The following MAP7 variants were observed in gnomAD, a reference collection of about 807,000 sequenced individuals.
The protein encoded by MAP7 is microtubule associated protein 7.
In MAP7, 52 loss-of-function variants were observed where a neutral mutation model predicts 94.8. The observed-to-expected ratio is 0.55, with a 90% CI of 0.44 to 0.69. The LOEUF (loss-of-function observed/expected upper bound fraction) is 0.69. Ranked by LOEUF, MAP7 falls within the 30% of genes least tolerant of loss-of-function variation. The pLI, the probability that MAP7 is intolerant of heterozygous loss-of-function variation, is 0.00. For synonymous variants in MAP7, 350 were observed against 357.0 expected (o/e 0.98, Z 0.22); for missense variants, 940 against 964.6 (o/e 0.97, Z 0.34).
At chr6:136,432,864 C>T (rs1426204989) in intron 1 of MAP7, among the ~76,000 whole-genome samples, 1 of 151,890 alleles carries the variant, frequency 6.6e-6, no homozygotes, top group Non-Finnish European at 1.5e-5. Context: ...ATTCTGTGAC[C>T]CAGGTAGCCC....
chr6:136,349,817 C>T (rs1034250385), intron 16 of MAP7, among the ~76,000 whole-genome samples: 1 of 152,020 alleles, frequency 6.6e-6, no homozygotes, highest in Non-Finnish European at 1.5e-5. Context: ...AGGGGCCAGG[C>T]GTCTCACTCA....
At position 136,368,275 on chromosome 6, in the gene MAP7, C is replaced by G. The variant is rs138631430; in HGVS notation, c.877-1836G>C. On this transcript the variant is annotated intron_variant, in intron 8 of 17. Coordinates refer to ENST00000354570, the MANE Select transcript of MAP7 (RefSeq NM_003980.6). Reference sequence around the variant, plus strand: ...TCCAACCACCCATTTGGGTACCACACATGTAAAGGCACTCCCAATTCTCAT... The same window carrying G: ...TCCAACCACCCATTTGGGTACCACAGATGTAAAGGCACTCCCAATTCTCAT... Among the ~76,000 whole-genome samples, 416 of 151,988 alleles carry G rather than the reference C, an allele frequency of 2.7e-3. 6 individuals carry two copies. The East Asian group carries it at 0.03, about 11-fold the overall frequency.
At chr6:136,535,035 T>C (rs981177566) in intron 1 of MAP7, among the ~76,000 whole-genome samples, 2 of 152,190 alleles carry the variant, frequency 1.3e-5, no homozygotes, top group African/African-American at 4.8e-5. Flanking sequence ...ATTTATTAAC[T>C]GAAACCAATT....
chr6:136,519,437 CAAG>C (rs889903560), intron 1 of MAP7, among the ~76,000 whole-genome samples: 2 of 151,986 alleles, frequency 1.3e-5, no homozygotes, highest in African/African-American at 4.8e-5. Flanking sequence ...GAAAAAGAAA[CAAG>C]GAGATATATG....
At position 136,455,029 on chromosome 6, in the gene MAP7, T is replaced by C. The variant is rs957486631; in HGVS notation, c.68-33230A>G. On this transcript the variant is annotated intron_variant, in intron 1 of 17. Coordinates refer to ENST00000354570, the MANE Select transcript of MAP7 (RefSeq NM_003980.6). ...AACTTATGCTACTCCTTAAAGACTATATAGTACATAGTCATGAGTTTAGAA... is the reference window on the plus strand; with the variant it reads ...AACTTATGCTACTCCTTAAAGACTACATAGTACATAGTCATGAGTTTAGAA... Among the ~76,000 whole-genome samples the C allele has an allele frequency of 3.3e-5, 5 of 152,002 alleles. No individual in the cohort carries two copies. In the East Asian group the frequency reaches 5.8e-4, roughly 18 times the overall value.
chr6:136,488,614 T>G (rs920445282), intron 1 of MAP7, among the ~76,000 whole-genome samples: 39 of 151,904 alleles, frequency 2.6e-4, no homozygotes, highest in Admixed American at 5.9e-4. Flanking sequence ...CCAGCTAATT[T>G]TTGTATTTTT....
chr6:136,473,243 A>C (rs1809656120), intron 1 of MAP7, among the ~76,000 whole-genome samples: 1 of 152,160 alleles, frequency 6.6e-6, no homozygotes, highest in South Asian at 2.1e-4. Flanking sequence ...AACCTTCTCT[A>C]ACAGCATTAC....
intron 1 of MAP7, among the ~76,000 whole-genome samples, chr6:136,461,527 A>G (rs948724956): frequency 1.1e-4 from 17 of 152,196 alleles, no homozygotes; most frequent in African/African-American, 3.9e-4. Context: ...ATTAACATTT[A>G]CCTTCCTTGG....
At chr6:136,537,366 T>C (rs1468606485) in intron 1 of MAP7, among the ~76,000 whole-genome samples, 2 of 152,208 alleles carry the variant, frequency 1.3e-5, no homozygotes, top group Non-Finnish European at 2.9e-5. Context: ...CCAAAGTTGT[T>C]CGAGTCTCAT....
intron 1 of MAP7, among the ~76,000 whole-genome samples, chr6:136,436,602 ACTC>A (rs900894700): frequency 6.6e-6 from 1 of 151,606 alleles, no homozygotes; most frequent in African/African-American, 2.4e-5. Flanking sequence ...CTGGTCTTGA[ACTC>A]CTGGCTTCAA....
At chr6:136,430,947 G>T (rs937481680) in intron 1 of MAP7, among the ~76,000 whole-genome samples, 27 of 152,138 alleles carry the variant, frequency 1.8e-4, no homozygotes, top group Non-Finnish European at 3.1e-4. Context: ...CACCAGAGTG[G>T]TCCACCGGTT....
intron 1 of MAP7, among the ~76,000 whole-genome samples, chr6:136,451,012 G>T (rs1233487811): frequency 6.6e-6 from 1 of 152,056 alleles, no homozygotes; most frequent in Non-Finnish European, 1.5e-5. Context: ...CATAAAGCAA[G>T]TTACCCTTTT....
At chr6:136,400,279 G>C (rs1783696429) in intron 3 of MAP7, among the ~76,000 whole-genome samples, 1 of 152,034 alleles carries the variant, frequency 6.6e-6, no homozygotes, top group Admixed American at 6.5e-5. Context: ...AGCCAGGCGT[G>C]GTGGTGGGCG....
rs376964402 is a variant in MAP7 at position 136,388,502 on chromosome 6, G to A, written c.417C>T (p.His139=). The change falls in exon 5 of 18, where the codon CAC becomes CAT. Residue 139 remains histidine, a synonymous_variant. Coordinates refer to ENST00000354570, the MANE Select transcript of MAP7 (RefSeq NM_003980.6). ...RQRLEEDKER[H]EAVVRRTMER... ...CCATTGTGCGCCGTACAACAGCTTC[G>A]TGGCGTTCCTTAGATGGAATAGAAG... The A allele has an allele frequency of 1.1e-5, 17 of 1,613,622 alleles. No individual in the cohort carries two copies. Among genetic ancestry groups the A allele is most frequent in the South Asian group, 2.2e-5 (2 of 91,066 alleles).
chr6:136,462,509 A>G (rs1236940110), intron 1 of MAP7, among the ~76,000 whole-genome samples: 1 of 152,114 alleles, frequency 6.6e-6, no homozygotes, highest in Non-Finnish European at 1.5e-5. Flanking sequence ...CAAGCAACAC[A>G]TTTCCTAGAA....
At chr6:136,364,137 T>G in intron 10 of MAP7, 1 of 421,636 alleles carries the variant, frequency 2.4e-6, no homozygotes, top group Non-Finnish European at 4.6e-6. Context: ...CCATGGCCTC[T>G]GTTTCTGAGC....
intron 2 of MAP7, among the ~76,000 whole-genome samples, chr6:136,414,016 G>A (rs1161629210): frequency 6.6e-6 from 1 of 151,838 alleles, no homozygotes; most frequent in African/African-American, 2.4e-5. Flanking sequence ...TTGGGAGGCC[G>A]AGGCGGGCGG....
In MAP7 at chr6:136,343,080, G is replaced by A. The variant is rs1261012425; in HGVS notation, c.*1148C>T. 2.0e-5 allele frequency: 3 copies of A among 152,574 alleles called. No individual in the cohort carries two copies. The highest frequency in any genetic ancestry group is 2.0e-4 in the Admixed American group (3 of 15,282). 9.5% of individuals were successfully genotyped at this position (152,574 alleles called of 1,614,324 possible). A position where few individuals can be genotyped will look rare whatever the true frequency, so the allele number is the denominator to read the frequency against. On this transcript the variant is annotated 3_prime_UTR_variant, in exon 18 of 18. Transcript: ENST00000354570. ...CCTCTCCTTCTACATTTAATCATTA[G>A]TAGTCTCTAAAATGGTAAAATAAAA...
chr6:136,382,756 C>G (rs986182966), intron 6 of MAP7, among the ~76,000 whole-genome samples: 28 of 152,144 alleles, frequency 1.8e-4, no homozygotes, highest in South Asian at 2.1e-4. Flanking sequence ...TACACACATA[C>G]AGAACATGCA....
Sources: allele counts gnomAD v4.1 joint callset (sites outside exome capture counted in the v4.1 genomes callset), GRCh38; gene constraint gnomAD v4.1.1; transcripts MANE v1.5; gene names NCBI Gene and HGNC (gene_info 2026-07-23, HGNC 2026-07-21).